The following SCUBE2 variants were observed in gnomAD, a reference collection of about 807,000 sequenced individuals.
The protein encoded by SCUBE2 is signal peptide, CUB and EGF-like domain-containing protein 2.
In SCUBE2, 114 loss-of-function variants were observed where a neutral mutation model predicts 125.9. The observed-to-expected ratio is 0.91, with a 90% CI of 0.78 to 1.06. SCUBE2 has a LOEUF of 1.06. Ranked by LOEUF, SCUBE2 falls within the 50% of genes least tolerant of loss-of-function variation. The pLI is 0.00. For synonymous variants in SCUBE2, 459 were observed against 492.9 expected (o/e 0.93, Z 0.91); for missense variants, 1,255 against 1,301.8 (o/e 0.96, Z 0.55).
At chr11:9,085,827 GT>G (rs67816315) in intron 2 of SCUBE2, among the ~76,000 whole-genome samples, 326 of 149,986 alleles carry the variant, frequency 2.2e-3, no homozygotes, top group African/African-American at 7.7e-3. Context: ...AATCTCTTTA[GT>G]TTTTTTTTTT....
At chr11:9,061,559 A>G (rs1859685755) in intron 7 of SCUBE2, among the ~76,000 whole-genome samples, 1 of 135,812 alleles carries the variant, frequency 7.4e-6, no homozygotes, top group African/African-American at 2.8e-5. Flanking sequence ...ACCCTGTCTC[A>G]AGAAAAGAAA....
intron 16 of SCUBE2, among the ~76,000 whole-genome samples, chr11:9,041,775 T>C (rs1857267641): frequency 6.6e-6 from 1 of 152,178 alleles, no homozygotes; most frequent in Admixed American, 6.5e-5. Flanking sequence ...AATGAGGCAG[T>C]AGCTATAGAG....
chr11:9,081,599 C>T (rs1260092656), intron 2 of SCUBE2, among the ~76,000 whole-genome samples: 1 of 151,958 alleles, frequency 6.6e-6, no homozygotes. Flanking sequence ...GTGAGAGGAT[C>T]GCTTGAGACC....
At chr11:9,056,623 G>T (rs964235957) in intron 9 of SCUBE2, among the ~76,000 whole-genome samples, 3 of 152,154 alleles carry the variant, frequency 2.0e-5, no homozygotes, top group Admixed American at 6.5e-5. Context: ...AGCCTCCTTG[G>T]CTGCAGCGGG....
chr11:9,089,344 C>A (rs1020939688), intron 2 of SCUBE2, among the ~76,000 whole-genome samples: 19 of 152,198 alleles, frequency 1.2e-4, no homozygotes, highest in Admixed American at 2.0e-4. Context: ...GTACAAACCG[C>A]CCCAGGGAGG....
At chr11:9,060,099 C>A (rs1859513159) in intron 8 of SCUBE2, among the ~76,000 whole-genome samples, 1 of 152,162 alleles carries the variant, frequency 6.6e-6, no homozygotes, top group Non-Finnish European at 1.5e-5. Context: ...TTGATATTAT[C>A]TCCTGCAAAT....
intron 2 of SCUBE2, among the ~76,000 whole-genome samples, chr11:9,087,009 G>A (rs1419413939): frequency 2.6e-5 from 4 of 152,082 alleles, no homozygotes; most frequent in Non-Finnish European, 4.4e-5. Context: ...TGGATAAATG[G>A]ATGGGAGGCT....
At chr11:9,024,413 T>C (rs1110216) in intron 21 of SCUBE2, 2 of 1,287,532 alleles carry the variant, frequency 1.6e-6, no homozygotes, top group Non-Finnish European at 2.0e-6. Flanking sequence ...ATTTCAGGCA[T>C]CTGTAGGACA....
At chr11:9,024,193 G>C in intron 21 of SCUBE2, 2 of 1,063,212 alleles carry the variant, frequency 1.9e-6, no homozygotes, top group Non-Finnish European at 2.3e-6. Context: ...ATTTTCATGT[G>C]TCACAAAGGC....
chr11:9,027,236 C>G, intron 20 of SCUBE2, 128 bp downstream of exon 20: 1 of 860,984 alleles, frequency 1.2e-6, no homozygotes. Flanking sequence ...ACTCTATAAA[C>G]TCATGTTCAC....
chr11:9,031,231 C>CTAGG (rs1194710821), intron 17 of SCUBE2: 1 of 221,606 alleles, frequency 4.5e-6, no homozygotes, highest in African/African-American at 2.3e-5. Context: ...TACACACTGC[C>CTAGG]TAGGCATCCC....
chr11:9,079,572 C>T lies in SCUBE2; in HGVS notation c.257-63G>A. 6.5e-6 allele frequency: 10 copies of T among 1,545,214 alleles called. No individual in the cohort carries two copies. The South Asian group carries it at 9.5e-5, about 15-fold the overall frequency. ...TTTCTTTGATGTGAAAACATATGCA[C>T]TTACCTCCAGCCATTCCACTTCTAG... On this transcript the variant is annotated intron_variant, in intron 2 of 22. Transcript: ENST00000649792.
chr11:9,069,778 G>A (rs917976822), intron 4 of SCUBE2, among the ~76,000 whole-genome samples: 2 of 152,186 alleles, frequency 1.3e-5, no homozygotes, highest in South Asian at 2.1e-4. Context: ...AGAGCCTGCT[G>A]ACCCCAGGAA....
At chr11:9,070,991 A>G (rs1338056862) in intron 4 of SCUBE2, among the ~76,000 whole-genome samples, 1 of 152,192 alleles carries the variant, frequency 6.6e-6, no homozygotes, top group Non-Finnish European at 1.5e-5. Context: ...ATTGGTGGAA[A>G]GCTTTCTCTT....
chr11:9,078,459 C>T (rs1861372688), intron 3 of SCUBE2, among the ~76,000 whole-genome samples: 1 of 152,224 alleles, frequency 6.6e-6, no homozygotes, highest in South Asian at 2.1e-4. Context: ...AGAGCCCCAA[C>T]ACACAACACA....
At chr11:9,034,809 C>T (rs1054590966) in intron 16 of SCUBE2, among the ~76,000 whole-genome samples, 4 of 139,626 alleles carry the variant, frequency 2.9e-5, no homozygotes, top group African/African-American at 7.7e-5. Flanking sequence ...GGAGAAACCC[C>T]GTCTCTACTG....
intron 9 of SCUBE2, among the ~76,000 whole-genome samples, chr11:9,056,847 C>G (rs1859142257): frequency 6.6e-6 from 1 of 152,184 alleles, no homozygotes; most frequent in African/African-American, 2.4e-5. Context: ...ACTGCTAGAC[C>G]ACTTTTTTCA....
At chr11:9,044,609 G>C (rs2135351427) in intron 16 of SCUBE2, among the ~76,000 whole-genome samples, 1 of 152,266 alleles carries the variant, frequency 6.6e-6, no homozygotes, top group South Asian at 2.1e-4. Flanking sequence ...GTTATCTTTT[G>C]AAAACATGTC....
Position 9,035,419 on chromosome 11 carries a change from G to A in SCUBE2, c.2003-1623C>T, listed in dbSNP as rs374240198. ...AGCTTTGAGTTTAAAAGGGAAAAAAGTTATTTAACAAACGGGCAGATTTAA... is the reference window on the plus strand; with the variant it reads ...AGCTTTGAGTTTAAAAGGGAAAAAAATTATTTAACAAACGGGCAGATTTAA... On this transcript the variant is annotated intron_variant, in intron 16 of 22. Coordinates refer to ENST00000649792, the MANE Select transcript of SCUBE2 (RefSeq NM_001367977.2). Among the ~76,000 whole-genome samples the A allele has an allele frequency of 2.6e-4, 39 of 152,302 alleles. 2 individuals carry two copies. The East Asian group carries it at 3.9e-3, about 15-fold the overall frequency.
Sources: gnomAD v4.1 joint callset for allele counts (sites outside exome capture counted in the v4.1 genomes callset) on GRCh38, gnomAD v4.1.1 for gene constraint, MANE v1.5 for transcripts, NCBI Gene and HGNC (gene_info 2026-07-23, HGNC 2026-07-21) for gene names.